The following AKAP13 variants were observed in gnomAD, a reference collection of about 807,000 sequenced individuals.
AKAP13 encodes A-kinase anchor protein 13.
In AKAP13, 80 loss-of-function variants were observed where a neutral mutation model predicts 264.5. The ratio of observed to expected loss-of-function variants is 0.30; its 90% CI spans 0.25 to 0.36. AKAP13 has a LOEUF of 0.36. AKAP13 is among the 10% of genes least tolerant of loss of function. The probability of loss-of-function intolerance (pLI) is 1.00; values close to 1 mark genes in which losing one functional copy is unlikely to be tolerated. For missense variants in AKAP13, 3,712 were observed against 3,435.2 expected, an observed-to-expected ratio of 1.08 and a Z score of -2.01; for synonymous variants, 1,380 against 1,250.2, an observed-to-expected ratio of 1.10 and a Z score of -2.19.
rs190044377 is a variant in AKAP13, at chr15:85,391,104, T to C, written c.-12+10306T>C. 1.7e-3 allele frequency among the ~76,000 whole-genome samples: 260 copies of C among 152,270 alleles called. 4 individuals are homozygous for C. The highest frequency in any genetic ancestry group is 2.4e-4 in the Non-Finnish European group (16 of 68,016). ...CTCATGGCATAGTAGTTAATAATCA[T>C]GACAGTCATAAAACAACCACCACTA... On this transcript the variant is annotated intron_variant, in intron 1 of 36. Transcript: ENST00000394518.
In AKAP13 at chr15:85,549,019, A is replaced by G. The variant is rs8033296; in HGVS notation, c.662+5064A>G. ...TAACTCAGTGATTGACATAAATGTT[A>G]CCCCCATTTCCCTTTCTTTAATTTT... On this transcript the variant is annotated intron_variant, in intron 5 of 36. Coordinates refer to ENST00000394518, the MANE Select transcript of AKAP13 (RefSeq NM_007200.5). 1.0e-3 allele frequency among the ~76,000 whole-genome samples: 154 copies of G among 151,456 alleles called. 2 individuals carry two copies. The highest frequency in any genetic ancestry group is 3.6e-3 in the African/African-American group (147 of 41,180).
At chr15:85,387,516 A>T (rs2070634431) in intron 1 of AKAP13, among the ~76,000 whole-genome samples, 1 of 151,968 alleles carries the variant, frequency 6.6e-6, no homozygotes, top group Non-Finnish European at 1.5e-5. Flanking sequence ...GTAGAGACAG[A>T]GTCTCTCTAT....
At chr15:85,675,503 C>G (rs17636096) in intron 14 of AKAP13, among the ~76,000 whole-genome samples, 25,087 of 152,162 alleles carry the variant, frequency 0.16, 2,363 homozygotes, top group Non-Finnish European at 0.22. Flanking sequence ...ATTAATGTGT[C>G]TATCCAGTAA....
chr15:85,665,527 T>A (rs549421088), intron 13 of AKAP13, among the ~76,000 whole-genome samples: 15 of 152,350 alleles, frequency 9.8e-5, no homozygotes, highest in African/African-American at 3.1e-4. Flanking sequence ...ATTCTTTTTT[T>A]AAAAAATTAT....
At position 85,639,419 on chromosome 15, in the gene AKAP13, G is replaced by A. The variant is rs145684674; in HGVS notation, c.4207G>A (p.Ala1403Thr). ...WCTIEPCPDA[A>T]SLLASKQSPE... is the part of the protein sequence containing the mutation. ...TACAATAGAGCCATGCCCTGATGCAGCATCTCTTCTGGCTTCCAAGCAGAG... is the reference window on the plus strand; with the variant it reads ...TACAATAGAGCCATGCCCTGATGCAACATCTCTTCTGGCTTCCAAGCAGAG... Residue 1403 changes from alanine (A) to threonine (T), a missense_variant, in exon 9 of 37, where the codon GCA becomes ACA. Ala to Thr is a moderately conservative substitution (Grantham distance 58). This residue lies in a region of AKAP13 where 2,759 missense variants were observed against 2,411.7 expected (regional missense o/e 1.14). Coordinates refer to ENST00000394518, the MANE Select transcript of AKAP13 (RefSeq NM_007200.5). The A allele has an allele frequency of 2.7e-5, 44 of 1,613,034 alleles. No homozygotes were observed. The highest frequency in any genetic ancestry group is 3.6e-5 in the Non-Finnish European group (42 of 1,179,676).
chr15:85,635,610 A>G (rs1198235375), intron 8 of AKAP13, among the ~76,000 whole-genome samples: 1 of 152,070 alleles, frequency 6.6e-6, no homozygotes, highest in Non-Finnish European at 1.5e-5. Context: ...AAAATGTACT[A>G]TTTAAGAAAT....
chr15:85,718,637 C>T lies in AKAP13; in HGVS notation c.6002-439C>T, dbSNP rs554658314. Among the ~76,000 whole-genome samples the T allele has an allele frequency of 6.6e-6, 1 of 152,296 alleles. No homozygotes were observed. The highest frequency in any genetic ancestry group is 6.5e-5 in the Admixed American group (1 of 15,304). On this transcript the variant is annotated intron_variant, in intron 22 of 36. Coordinates refer to ENST00000394518, the MANE Select transcript of AKAP13 (RefSeq NM_007200.5). The surrounding 1 kb of genome is among the most constrained non-coding windows in gnomAD (Gnocchi z 4.9). ...AAACACTTGACCAGGCTCAGCGGCTCATACCTGTAATCCCAGCACTCTGGG... is the reference window on the plus strand; with the variant it reads ...AAACACTTGACCAGGCTCAGCGGCTTATACCTGTAATCCCAGCACTCTGGG...
At chr15:85,634,113 G>A (rs1431904017) in intron 8 of AKAP13, among the ~76,000 whole-genome samples, 1 of 152,170 alleles carries the variant, frequency 6.6e-6, no homozygotes, top group Non-Finnish European at 1.5e-5. Context: ...TTTGCTCTCT[G>A]TAATAGTAAA....
chr15:85,701,656 C>G (rs1397347092), intron 17 of AKAP13, among the ~76,000 whole-genome samples: 1 of 28,748 alleles, frequency 3.5e-5, no homozygotes, highest in African/African-American at 1.6e-4. Flanking sequence ...ATTGGCCAGG[C>G]TGGTCTTGAA....
intron 8 of AKAP13, among the ~76,000 whole-genome samples, chr15:85,600,740 T>A (rs2080024158): frequency 6.6e-6 from 1 of 152,256 alleles, no homozygotes; most frequent in African/African-American, 2.4e-5. Flanking sequence ...ATTTATGTCC[T>A]GATGACCACA....
At chr15:85,571,736 A>C (rs2078824772) in intron 5 of AKAP13, among the ~76,000 whole-genome samples, 2 of 152,262 alleles carry the variant, frequency 1.3e-5, no homozygotes, top group South Asian at 4.1e-4. Flanking sequence ...AGTACCTTAA[A>C]TAGTGCCTGG....
At chr15:85,607,376 A>G (rs543407771) in intron 8 of AKAP13, among the ~76,000 whole-genome samples, 161 of 152,290 alleles carry the variant, frequency 1.1e-3, no homozygotes, top group African/African-American at 3.8e-3. Flanking sequence ...TTTATTTTAT[A>G]TGCACCCTTG....
At chr15:85,403,551 T>C (rs1031332688) in intron 1 of AKAP13, among the ~76,000 whole-genome samples, 2 of 152,126 alleles carry the variant, frequency 1.3e-5, no homozygotes, top group African/African-American at 4.8e-5. Context: ...ATTTAAAAGC[T>C]GATGTGAGGT....
chr15:85,520,783 C>T (rs544639679), intron 2 of AKAP13: 83 of 502,784 alleles, frequency 1.7e-4, no homozygotes, highest in African/African-American at 5.1e-4. Flanking sequence ...TATGGGGATA[C>T]GTTCTGAGAA....
At chr15:85,738,286 G>C (rs535187569) in intron 33 of AKAP13, among the ~76,000 whole-genome samples, 81 of 151,978 alleles carry the variant, frequency 5.3e-4, no homozygotes, top group African/African-American at 1.9e-3. Flanking sequence ...CAGCTACTCA[G>C]GAGGCTGAGG....
chr15:85,442,003 G>T (rs1458625929), intron 1 of AKAP13, among the ~76,000 whole-genome samples: 1 of 152,144 alleles, frequency 6.6e-6, no homozygotes, highest in African/African-American at 2.4e-5. Flanking sequence ...TTTGGCTTTA[G>T]TTAAGAAGGT....
intron 1 of AKAP13, among the ~76,000 whole-genome samples, chr15:85,438,946 A>G (rs2073474219): frequency 6.9e-6 from 1 of 145,310 alleles, no homozygotes; most frequent in Non-Finnish European, 1.5e-5. Flanking sequence ...AGCAATGGCA[A>G]CAAAAGCCAA....
intron 1 of AKAP13, among the ~76,000 whole-genome samples, chr15:85,463,343 TA>T (rs1450117731): frequency 2.0e-5 from 3 of 152,218 alleles, no homozygotes; most frequent in African/African-American, 7.2e-5. Context: ...TTTGACAAAT[TA>T]AAAGGATGCT....
At chr15:85,726,575 C>G in intron 27 of AKAP13, 89 bp downstream of exon 27, 1 of 1,128,766 alleles carries the variant, frequency 8.9e-7, no homozygotes, top group Non-Finnish European at 1.3e-6. Context: ...CTCCCCCGCC[C>G]TCTTAAAATT....
Sources: allele counts gnomAD v4.1 joint callset (sites outside exome capture counted in the v4.1 genomes callset), GRCh38; gene constraint gnomAD v4.1.1; regional missense constraint gnomAD v4.1.1; non-coding constraint Gnocchi (gnomAD v3.1); transcripts MANE v1.5; gene names NCBI Gene and HGNC (gene_info 2026-07-23, HGNC 2026-07-21).